Variants in CNTNAP5 observed in about 807,000 individuals in gnomAD.
CNTNAP5 encodes contactin associated protein family member 5, also known as contactin-associated protein-like 5.
A neutral mutation model predicts 150.2 loss-of-function variants in CNTNAP5; 72 were observed. The observed-to-expected ratio is 0.48, with a 90% CI of 0.40 to 0.58. The LOEUF is 0.58. CNTNAP5 is among the 20% of genes least tolerant of loss of function. CNTNAP5 has a pLI of 0.00. For missense variants in CNTNAP5, 1,636 were observed against 1,626.2 expected (o/e 1.01, Z -0.10); for synonymous variants, 672 against 619.8 (o/e 1.08, Z -1.25).
At chr2:124,883,864 G>A (rs542197445) in intron 21 of CNTNAP5, among the ~76,000 whole-genome samples, 109 of 152,162 alleles carry the variant, frequency 7.2e-4, no homozygotes, top group African/African-American at 1.1e-3. Context: ...ATGTTTCTGC[G>A]TAGTTGTGTA....
intron 3 of CNTNAP5, among the ~76,000 whole-genome samples, chr2:124,368,346 G>T (rs181955397): frequency 6.6e-6 from 1 of 152,084 alleles, no homozygotes; most frequent in Non-Finnish European, 1.5e-5. Flanking sequence ...AATACGCAGC[G>T]TTTTTGAGGC....
At chr2:124,577,655 T>A (rs1000246364) in intron 11 of CNTNAP5, among the ~76,000 whole-genome samples, 69 of 152,188 alleles carry the variant, frequency 4.5e-4, no homozygotes, top group African/African-American at 1.7e-3. Flanking sequence ...AATGCAAGAT[T>A]GTACATGGTC....
At chr2:124,159,645 CT>C in intron 1 of CNTNAP5, among the ~76,000 whole-genome samples, 1 of 152,236 alleles carries the variant, frequency 6.6e-6, no homozygotes, top group East Asian at 1.9e-4. Context: ...AAAGTGACCC[CT>C]AGGTTTGCCT....
intron 3 of CNTNAP5, among the ~76,000 whole-genome samples, chr2:124,406,203 G>A (rs978761849): frequency 1.3e-5 from 2 of 152,128 alleles, no homozygotes; most frequent in Non-Finnish European, 2.9e-5. Context: ...AAACTGTACG[G>A]TTTTAACTAA....
Position 124,075,315 on chromosome 2 carries a change from C to T in CNTNAP5, c.82+49583C>T, listed in dbSNP as rs567606903. ...ATACTCCTTTCTAAGTTGAGATCCACTTCTAACATTTTATCCTCTGCACTT... is the reference window on the plus strand; with the variant it reads ...ATACTCCTTTCTAAGTTGAGATCCATTTCTAACATTTTATCCTCTGCACTT... On this transcript the variant is annotated intron_variant, in intron 1 of 23. Coordinates refer to ENST00000682447, the MANE Select transcript of CNTNAP5 (RefSeq NM_001367498.1). 3.3e-5 allele frequency among the ~76,000 whole-genome samples: 5 copies of T among 152,220 alleles called. No homozygotes were observed. In the South Asian group the frequency reaches 1.0e-3, roughly 32 times the overall value.
chr2:124,273,693 T>C (rs1687815025), intron 3 of CNTNAP5, among the ~76,000 whole-genome samples: 1 of 152,166 alleles, frequency 6.6e-6, no homozygotes, highest in Admixed American at 6.5e-5. Flanking sequence ...GATTGGAGCA[T>C]GGTATTGTGG....
intron 16 of CNTNAP5, among the ~76,000 whole-genome samples, chr2:124,772,538 A>G (rs12619535): frequency 0.19 from 28,478 of 152,070 alleles, 4,126 homozygotes; most frequent in East Asian, 0.79. Flanking sequence ...TCATGCAGGT[A>G]TATCAGATGA....
At chr2:124,025,766 G>T (rs768534791) in intron 1 of CNTNAP5, 34 bp downstream of exon 1, 2 of 1,516,782 alleles carry the variant, frequency 1.3e-6, no homozygotes, top group Non-Finnish European at 1.8e-6. Context: ...GGAAGGTGAG[G>T]TGGAAAACGA....
chr2:124,555,999 T>C (rs916407785), intron 10 of CNTNAP5, among the ~76,000 whole-genome samples: 1 of 152,116 alleles, frequency 6.6e-6, no homozygotes, highest in African/African-American at 2.4e-5. Flanking sequence ...AAATTATCTT[T>C]AAAAAAAATC....
intron 17 of CNTNAP5, among the ~76,000 whole-genome samples, chr2:124,786,828 C>T (rs1259211213): frequency 2.0e-5 from 3 of 152,188 alleles, no homozygotes; most frequent in South Asian, 2.1e-4. Context: ...TAAAAAGGGC[C>T]GCTTTTAAAA....
At chr2:124,512,409 C>A (rs1490383089) in intron 8 of CNTNAP5, among the ~76,000 whole-genome samples, 2 of 152,082 alleles carry the variant, frequency 1.3e-5, no homozygotes, top group Non-Finnish European at 2.9e-5. Context: ...ACTAAGAGAT[C>A]TGACCCTGGC....
intron 21 of CNTNAP5, among the ~76,000 whole-genome samples, chr2:124,881,694 G>T (rs1677967859): frequency 1.3e-5 from 2 of 152,076 alleles, no homozygotes; most frequent in African/African-American, 4.8e-5. Flanking sequence ...GCATGGGACA[G>T]ATCTCTCCCA....
At chr2:124,647,318 T>C (rs949110443) in intron 12 of CNTNAP5, among the ~76,000 whole-genome samples, 3 of 152,238 alleles carry the variant, frequency 2.0e-5, no homozygotes, top group Non-Finnish European at 4.4e-5. Flanking sequence ...GAAAACATGC[T>C]AGTGTTTCTC....
At chr2:124,218,078 C>T (rs971300294) in intron 1 of CNTNAP5, among the ~76,000 whole-genome samples, 3 of 152,060 alleles carry the variant, frequency 2.0e-5, no homozygotes, top group Non-Finnish European at 4.4e-5. Flanking sequence ...ATCATTCTTC[C>T]TTTGCTTTAA....
At chr2:124,277,879 C>T (rs188299793) in intron 3 of CNTNAP5, among the ~76,000 whole-genome samples, 28 of 152,204 alleles carry the variant, frequency 1.8e-4, no homozygotes, top group African/African-American at 2.6e-4. Context: ...CACCACCATG[C>T]GGATATGCAG....
chr2:124,233,785 TTATATA>T (rs375601691), intron 2 of CNTNAP5, among the ~76,000 whole-genome samples: 3 of 147,228 alleles, frequency 2.0e-5, no homozygotes, highest in African/African-American at 7.5e-5. Flanking sequence ...GCCTGTGAGT[TTATATA>T]TATATATATA....
At chr2:124,293,027 ATTG>A (rs1311291053) in intron 3 of CNTNAP5, among the ~76,000 whole-genome samples, 4 of 152,066 alleles carry the variant, frequency 2.6e-5, no homozygotes, top group African/African-American at 7.2e-5. Context: ...AAAAAGAATA[ATTG>A]TTATTTTAGT....
intron 1 of CNTNAP5, among the ~76,000 whole-genome samples, chr2:124,079,805 T>A (rs1419694480): frequency 6.6e-6 from 1 of 152,124 alleles, no homozygotes; most frequent in Non-Finnish European, 1.5e-5. Flanking sequence ...GGAAAGCCAC[T>A]GACAAATAGG....
chr2:124,116,376 G>A (rs1265250603), intron 1 of CNTNAP5, among the ~76,000 whole-genome samples: 3 of 152,170 alleles, frequency 2.0e-5, no homozygotes, highest in East Asian at 1.9e-4. Flanking sequence ...GAAGGGTATC[G>A]GGTAAAACTC....
Sources: gnomAD v4.1 joint callset for allele counts (sites outside exome capture counted in the v4.1 genomes callset) on GRCh38, gnomAD v4.1.1 for gene constraint, MANE v1.5 for transcripts, NCBI Gene and HGNC (gene_info 2026-07-23, HGNC 2026-07-21) for gene names.